Variants in RABEP1 observed in about 807,000 individuals in gnomAD.
RABEP1 encodes the protein rab GTPase-binding effector protein 1.
A neutral mutation model predicts 123.4 loss-of-function variants in RABEP1; 51 were observed. The ratio of observed to expected loss-of-function variants is 0.41; its 90% CI spans 0.33 to 0.52. The LOEUF (loss-of-function observed/expected upper bound fraction) is 0.52. RABEP1 is among the 20% of genes least tolerant of loss of function. RABEP1 has a pLI of 0.16. For missense variants in RABEP1, 888 were observed against 996.3 expected, an observed-to-expected ratio of 0.89 and a Z score of 1.46; for synonymous variants, 347 against 355.2, an observed-to-expected ratio of 0.98 and a Z score of 0.26.
At chr17:5,347,524 C>T (rs1908171716) in intron 6 of RABEP1, among the ~76,000 whole-genome samples, 1 of 152,148 alleles carries the variant, frequency 6.6e-6, no homozygotes, top group Non-Finnish European at 1.5e-5. Flanking sequence ...TACTTTTCCC[C>T]CCACACTCAT....
intron 1 of RABEP1, among the ~76,000 whole-genome samples, chr17:5,282,910 G>A (rs2074941899): frequency 6.6e-6 from 1 of 152,080 alleles, no homozygotes; most frequent in Non-Finnish European, 1.5e-5. Context: ...TCTTAGCTTA[G>A]GTAGTGTACC....
chr17:5,361,208 GAGCATTTAGAC>G lies in RABEP1; in HGVS notation c.1101_1111del (p.Leu368ProfsTer21). 6.2e-7 allele frequency: 1 copy of G among 1,607,694 alleles called. No homozygotes were observed. Among genetic ancestry groups the G allele is most frequent in the Non-Finnish European group, 8.5e-7 (1 of 1,176,348 alleles). The stretch of plus-strand genomic sequence containing the variant: ...GGCCATATGTATTTTCACATTTCAG[GAGCATTTAGAC>G]AGCACCCGTGGCTCAGTTCATTCCT... On this transcript the variant is annotated frameshift_variant and splice_region_variant, in exon 9 of 18. Transcript: ENST00000537505. LOFTEE classifies it high-confidence loss of function.
intron 11 of RABEP1, among the ~76,000 whole-genome samples, chr17:5,366,376 G>T (rs946638997): frequency 3.9e-5 from 6 of 152,024 alleles, no homozygotes; most frequent in African/African-American, 1.5e-4. Context: ...TGATTTGTTA[G>T]GTGTCCTTTA....
At chr17:5,313,816 G>A (rs1034843873) in intron 2 of RABEP1, among the ~76,000 whole-genome samples, 8 of 152,142 alleles carry the variant, frequency 5.3e-5, no homozygotes, top group Non-Finnish European at 7.3e-5. Flanking sequence ...TTTTGGTGGC[G>A]TTCCTAAAGA....
At chr17:5,340,370 AAATT>A (rs1400356068) in intron 5 of RABEP1, among the ~76,000 whole-genome samples, 5 of 152,184 alleles carry the variant, frequency 3.3e-5, no homozygotes, top group African/African-American at 1.2e-4. Context: ...AGGAACATAT[AAATT>A]AATCCCTATA....
intron 5 of RABEP1, among the ~76,000 whole-genome samples, chr17:5,340,639 T>TAAAA (rs57830996): frequency 7.0e-6 from 1 of 142,824 alleles, no homozygotes; most frequent in African/African-American, 2.6e-5. Flanking sequence ...GCCAGATCTT[T>TAAAA]AAAAAAAAAA....
intron 2 of RABEP1, among the ~76,000 whole-genome samples, chr17:5,322,210 T>C (rs527342410): frequency 8.3e-4 from 126 of 151,908 alleles, no homozygotes; most frequent in Non-Finnish European, 1.6e-3. Context: ...CAAAAAAAAT[T>C]AGCCAGGCAT....
intron 1 of RABEP1, among the ~76,000 whole-genome samples, chr17:5,285,456 C>T (rs531604421): frequency 6.6e-6 from 1 of 152,066 alleles, no homozygotes; most frequent in Non-Finnish European, 1.5e-5. Flanking sequence ...TTATTCTTGC[C>T]ATGTTGGCCA....
chr17:5,364,961 CTT>C (rs1909886939), intron 10 of RABEP1, among the ~76,000 whole-genome samples, 159 bp from the exon 11 acceptor site: 1 of 151,384 alleles, frequency 6.6e-6, no homozygotes, highest in Admixed American at 6.6e-5. Flanking sequence ...ACAGTTGTCT[CTT>C]GAGGTCATTT....
At chr17:5,295,313 C>T (rs531444338) in intron 1 of RABEP1, among the ~76,000 whole-genome samples, 1 of 150,832 alleles carries the variant, frequency 6.6e-6, no homozygotes, top group South Asian at 2.1e-4. Flanking sequence ...CCCTTGAACC[C>T]AGGAGGTGGA....
rs201875944 is a variant in RABEP1, at chr17:5,299,725, CTT to C, written c.35-8965_35-8964del. Among the ~76,000 whole-genome samples the C allele has an allele frequency of 1.1e-3, 113 of 104,098 alleles. 5 individuals are homozygous for C. The highest frequency in any genetic ancestry group is 4.3e-3 in the African/African-American group (109 of 25,308). 68.3% of individuals were successfully genotyped at this position (104,098 alleles called of 152,430 possible). A position where few individuals can be genotyped will look rare whatever the true frequency, so the allele number is the denominator to read the frequency against. On this transcript the variant is annotated intron_variant, in intron 1 of 17. Transcript: ENST00000537505. ...CTTTTTCTTTTTTTCTTTTCTTTTT[CTT>C]TTTCTTTTTTTTTTTTTTTTGGAGG...
At chr17:5,358,133 C>T (rs966971611) in intron 8 of RABEP1, among the ~76,000 whole-genome samples, 4 of 152,078 alleles carry the variant, frequency 2.6e-5, no homozygotes, top group Non-Finnish European at 1.5e-5. Context: ...TAGAAATTAG[C>T]TAGTCCTGGG....
At chr17:5,353,794 G>A (rs1247731991) in intron 7 of RABEP1, among the ~76,000 whole-genome samples, 3 of 152,000 alleles carry the variant, frequency 2.0e-5, no homozygotes, top group Non-Finnish European at 2.9e-5. Context: ...GACCAGCCTG[G>A]GCAACAATGT....
Position 5,377,065 on chromosome 17 carries a change from T to G in RABEP1, c.2026-51T>G, listed in dbSNP as rs1221457630. The stretch of plus-strand genomic sequence containing the variant: ...GGTTACAGAAAATCTTTAGCTTCTT[T>G]ATTTCCTTTCACTCTCACAAACCCA... On this transcript the variant is annotated intron_variant, in intron 13 of 17. Transcript: ENST00000537505. The G allele has an allele frequency of 4.0e-6, 6 of 1,514,970 alleles. No individual in the cohort carries two copies. In the South Asian group the frequency reaches 6.4e-5, roughly 16 times the overall value. The allele number at this position is 1,514,970 out of a possible 1,614,324, so 93.8% of individuals were successfully genotyped here. A position where few individuals can be genotyped will look rare whatever the true frequency, so the allele number is the denominator to read the frequency against.
chr17:5,286,875 T>TG (rs2074983686), intron 1 of RABEP1, among the ~76,000 whole-genome samples: 1 of 151,280 alleles, frequency 6.6e-6, no homozygotes, highest in Non-Finnish European at 1.5e-5. Flanking sequence ...GGGAAGGGGG[T>TG]GGGGCTGGTT....
Position 5,353,566 on chromosome 17 carries a change from G to A in RABEP1, c.964-793G>A, listed in dbSNP as rs555751753. On this transcript the variant is annotated intron_variant, in intron 7 of 17. Transcript: ENST00000537505. ...GTGTAACATTATAAAAACTTTTTTG[G>A]GTGGGGTGTGGTGTCTCATGCCTGT... is the stretch of plus-strand genomic sequence containing the variant. 4.6e-5 allele frequency among the ~76,000 whole-genome samples: 7 copies of A among 152,106 alleles called. No homozygotes were observed. The South Asian group carries it at 1.5e-3, about 32-fold the overall frequency.
At chr17:5,314,740 G>A (rs921247625) in intron 2 of RABEP1, among the ~76,000 whole-genome samples, 7 of 152,086 alleles carry the variant, frequency 4.6e-5, no homozygotes, top group African/African-American at 1.4e-4. Flanking sequence ...TGATGGTCTC[G>A]ATCTCCTGAC....
At chr17:5,318,105 C>A (rs961104438) in intron 2 of RABEP1, among the ~76,000 whole-genome samples, 4 of 152,240 alleles carry the variant, frequency 2.6e-5, no homozygotes, top group Admixed American at 6.5e-5. Flanking sequence ...TCCCTGAGTT[C>A]TGTGAGCCCA....
chr17:5,319,596 A>G (rs558371152), intron 2 of RABEP1, among the ~76,000 whole-genome samples: 7 of 152,032 alleles, frequency 4.6e-5, no homozygotes, highest in African/African-American at 1.7e-4. Flanking sequence ...CGAACTCCTG[A>G]CCTCAATCTG....
Sources: gnomAD v4.1 joint callset for allele counts (sites outside exome capture counted in the v4.1 genomes callset) on GRCh38, gnomAD v4.1.1 for gene constraint, MANE v1.5 for transcripts, NCBI Gene and HGNC (gene_info 2026-07-23, HGNC 2026-07-21) for gene names.